Variants in SMOC2 observed in about 807,000 individuals in gnomAD.
The protein encoded by SMOC2 is SPARC related modular calcium binding 2.
In SMOC2, 39 loss-of-function variants were observed where a neutral mutation model predicts 61.4. That is an observed-to-expected ratio of 0.64 (90% CI 0.49 to 0.83). The LOEUF (loss-of-function observed/expected upper bound fraction) is 0.83, where lower values mean the gene tolerates loss of function less well. Among genes scored for constraint, SMOC2 ranks in the 40% least tolerant of loss-of-function variants. The pLI is 0.00. For synonymous variants in SMOC2, 247 were observed against 239.9 expected (o/e 1.03, Z -0.27); for missense variants, 556 against 592.9 (o/e 0.94, Z 0.65).
chr6:168,554,546 G>A (rs1340847914), intron 7 of SMOC2, among the ~76,000 whole-genome samples: 3 of 152,208 alleles, frequency 2.0e-5, no homozygotes, highest in Non-Finnish European at 4.4e-5. Flanking sequence ...GGGGCACGGA[G>A]GCCCCCCGTC....
chr6:168,550,068 G>A (rs1321034409), intron 7 of SMOC2, among the ~76,000 whole-genome samples: 1 of 152,168 alleles, frequency 6.6e-6, no homozygotes, highest in African/African-American at 2.4e-5. Context: ...TTTCATGGAA[G>A]CGGGTTTGTT....
chr6:168,618,856 C>T (rs115370163), intron 9 of SMOC2, among the ~76,000 whole-genome samples: 168 of 152,212 alleles, frequency 1.1e-3, no homozygotes, highest in African/African-American at 3.9e-3. Flanking sequence ...ACAGCGATGG[C>T]AGGAAAGCTG....
intron 9 of SMOC2, among the ~76,000 whole-genome samples, chr6:168,636,883 C>T (rs1786743745): frequency 8.1e-6 from 1 of 123,350 alleles, no homozygotes; most frequent in Non-Finnish European, 1.7e-5. Context: ...CTCCCGCCTC[C>T]CTCCTCCCAC....
chr6:168,599,135 CTGATACCACACACAT>C (rs1785416263), intron 8 of SMOC2, 131 bp downstream of exon 8: 4 of 823,044 alleles, frequency 4.9e-6, no homozygotes, highest in Non-Finnish European at 5.6e-6. Flanking sequence ...CTCACACACA[CTGATACCACACACAT>C]ACCCACACAC....
chr6:168,625,236 A>G (rs1786372239), intron 9 of SMOC2, among the ~76,000 whole-genome samples: 2 of 152,212 alleles, frequency 1.3e-5, no homozygotes, highest in South Asian at 4.1e-4. Context: ...CAGGCACTGG[A>G]GATGCAGCTT....
intron 9 of SMOC2, among the ~76,000 whole-genome samples, chr6:168,620,620 CA>C (rs764126213): frequency 3.3e-4 from 51 of 152,296 alleles, no homozygotes; most frequent in Admixed American, 2.1e-3. Context: ...AAGAACATTT[CA>C]CCCTCACCCT....
intron 1 of SMOC2, among the ~76,000 whole-genome samples, chr6:168,483,677 C>G (rs1380787367): frequency 2.0e-5 from 3 of 152,118 alleles, no homozygotes; most frequent in African/African-American, 4.8e-5. Flanking sequence ...ACTGAGTACT[C>G]TCACTTTGTG....
At chr6:168,546,085 G>A (rs1783988700) in intron 5 of SMOC2, among the ~76,000 whole-genome samples, 2 of 144,842 alleles carry the variant, frequency 1.4e-5, no homozygotes, top group African/African-American at 2.9e-5. Flanking sequence ...AATCTGTTTT[G>A]ATTTTCCCCC....
intron 9 of SMOC2, among the ~76,000 whole-genome samples, chr6:168,631,723 T>C (rs577810315): frequency 6.8e-6 from 1 of 146,868 alleles, no homozygotes; most frequent in East Asian, 1.9e-4. Context: ...CACGTGTTTC[T>C]GGTTGGTTGT....
At chr6:168,606,471 A>T (rs1202706004) in intron 8 of SMOC2, among the ~76,000 whole-genome samples, 1 of 151,898 alleles carries the variant, frequency 6.6e-6, no homozygotes, top group African/African-American at 2.4e-5. Flanking sequence ...GTGGTTCCTG[A>T]CTCTTATGAC....
Position 168,605,722 on chromosome 6 carries a change from G to A in SMOC2, c.825-2435G>A, listed in dbSNP as rs570440925. On this transcript the variant is annotated intron_variant, in intron 8 of 12. Transcript: ENST00000356284. ...TGAGGGTAAGAAATGATCTAGTCTC[G>A]TGCCACCCATGTGAAGGATACAGGT... Among the ~76,000 whole-genome samples, 4 of 152,268 alleles carry A rather than the reference G, an allele frequency of 2.6e-5. No homozygotes were observed. The East Asian group carries it at 7.8e-4, about 30-fold the overall frequency.
intron 1 of SMOC2, among the ~76,000 whole-genome samples, chr6:168,486,989 C>A (rs1782353300): frequency 6.6e-6 from 1 of 152,142 alleles, no homozygotes; most frequent in Non-Finnish European, 1.5e-5. Context: ...GCCTTTGCAA[C>A]CTTTTGGTGT....
chr6:168,581,034 ACAGCC>A (rs1472413292), intron 7 of SMOC2, among the ~76,000 whole-genome samples: 1 of 152,220 alleles, frequency 6.6e-6, no homozygotes, highest in Non-Finnish European at 1.5e-5. Context: ...CGTCATAGGC[ACAGCC>A]TTCGCCTCTG....
At chr6:168,474,860 T>C (rs1782044733) in intron 1 of SMOC2, among the ~76,000 whole-genome samples, 1 of 152,186 alleles carries the variant, frequency 6.6e-6, no homozygotes, top group Non-Finnish European at 1.5e-5. Flanking sequence ...ATTTGGATAC[T>C]GAAGTGCCAT....
intron 7 of SMOC2, among the ~76,000 whole-genome samples, chr6:168,565,214 C>T (rs186901036): frequency 6.8e-4 from 103 of 152,254 alleles, no homozygotes; most frequent in Admixed American, 6.3e-3. Flanking sequence ...AATGTGAATA[C>T]GGTGTATTAA....
intron 9 of SMOC2, among the ~76,000 whole-genome samples, chr6:168,647,501 G>T (rs1787068074): frequency 6.6e-6 from 1 of 152,218 alleles, no homozygotes; most frequent in Non-Finnish European, 1.5e-5. Context: ...GAGGGACGAG[G>T]GTCTCTGCAG....
At chr6:168,483,753 T>G (rs1040315131) in intron 1 of SMOC2, among the ~76,000 whole-genome samples, 1 of 152,136 alleles carries the variant, frequency 6.6e-6, no homozygotes, top group Non-Finnish European at 1.5e-5. Context: ...GACAGATGTA[T>G]AGATCAACAG....
intron 9 of SMOC2, among the ~76,000 whole-genome samples, chr6:168,648,098 T>C (rs1050099631): frequency 6.6e-5 from 10 of 152,218 alleles, no homozygotes; most frequent in African/African-American, 2.4e-4. Context: ...TGTGTCCCTA[T>C]TACCACACCA....
At chr6:168,538,187 C>T (rs1783780383) in intron 4 of SMOC2, among the ~76,000 whole-genome samples, 1 of 142,348 alleles carries the variant, frequency 7.0e-6, no homozygotes, top group African/African-American at 2.7e-5. Flanking sequence ...GTGGGGTGAC[C>T]CCTGCTGGAA....
Sources: gnomAD v4.1 joint callset for allele counts (sites outside exome capture counted in the v4.1 genomes callset) on GRCh38, gnomAD v4.1.1 for gene constraint, MANE v1.5 for transcripts, NCBI Gene and HGNC (gene_info 2026-07-23, HGNC 2026-07-21) for gene names.